The following THTPA variants were observed in gnomAD, a reference collection of about 807,000 sequenced individuals.
THTPA encodes the protein thiamine triphosphatase.
Under a neutral mutation model 16.5 loss-of-function variants are expected in THTPA, and 16 were observed. That is an observed-to-expected ratio of 0.97 (90% CI 0.66 to 1.47). THTPA has a LOEUF of 1.47. Ranked by LOEUF, THTPA falls within the 40% of genes most tolerant of loss-of-function variation. The pLI is 0.00. For synonymous variants in THTPA, 110 were observed against 115.5 expected (o/e 0.95, Z 0.30); for missense variants, 281 against 280.9 (o/e 1.00, Z 0.00).
upstream of THTPA, chr14:23,551,674 T>TCTCCTCCTC (rs905883602): frequency 6.6e-6 from 1 of 151,636 alleles, no homozygotes; most frequent in Non-Finnish European, 1.5e-5. This position sits in a 1 kb window ranked among gnomAD's most constrained non-coding sequence, Gnocchi z 5.3. Context: ...TCCTCCTCCT[T>TCTCCTCCTC]CTCCTCCTCG....
the THTPA span, chr14:23,521,832 A>G: frequency 2.1e-6 from 3 of 1,449,126 alleles, no homozygotes; most frequent in Non-Finnish European, 2.7e-6. Flanking sequence ...TGAGGGTGGG[A>G]ACTGAACAGT....
chr14:23,523,561 C>G, the THTPA span: 284 of 1,538,776 alleles, frequency 1.8e-4, 1 homozygote, highest in African/African-American at 3.5e-3. The surrounding 1 kb of genome is among the most constrained non-coding windows in gnomAD (Gnocchi z 4.1). Context: ...CAGCGGCTGT[C>G]CCCTGTAGTT....
At chr14:23,523,195 C>G in the THTPA span, 1 of 1,419,200 alleles carries the variant, frequency 7.0e-7, no homozygotes, top group Non-Finnish European at 9.2e-7. This position sits in a 1 kb window ranked among gnomAD's most constrained non-coding sequence, Gnocchi z 4.1. Flanking sequence ...CCCAGCCTCC[C>G]TACTCACCTG....
chr14:23,527,901 C>CTTTTTT, the THTPA span: 3 of 448,948 alleles, frequency 6.7e-6, no homozygotes, highest in African/African-American at 2.8e-5. Flanking sequence ...GCCCCCACTC[C>CTTTTTT]TTTTTTTTTT....
At chr14:23,548,943 CTT>C in the THTPA span, among the ~76,000 whole-genome samples, 1 of 152,204 alleles carries the variant, frequency 6.6e-6, no homozygotes, top group African/African-American at 2.4e-5. Flanking sequence ...ATCCTCTCCT[CTT>C]TTCCTCCTAC....
At chr14:23,520,092 T>C in the THTPA span, among the ~76,000 whole-genome samples, 1 of 152,318 alleles carries the variant, frequency 6.6e-6, no homozygotes, top group Non-Finnish European at 1.5e-5. This position sits in a 1 kb window ranked among gnomAD's most constrained non-coding sequence, Gnocchi z 8.7. Flanking sequence ...ACCATTTGCC[T>C]AGGGGTACAG....
rs1437635294 is a variant in THTPA at position 23,559,450 on chromosome 14, C to T, written c.*610C>T. On this transcript the variant is annotated 3_prime_UTR_variant, in exon 2 of 2. Transcript: ENST00000288014. ...AAAGAACCAACAGCTGCCCCCTCCC[C>T]GCCCCCGTGTTGAGACAGGTTCTCA... The T allele has an allele frequency of 1.6e-5, 6 of 376,860 alleles. No homozygotes were observed. The highest frequency in any genetic ancestry group is 9.9e-5 in the South Asian group (4 of 40,454). The allele number at this position is 376,860 out of a possible 1,614,324, so 23.3% of individuals were successfully genotyped here. A position where few individuals can be genotyped will look rare whatever the true frequency, so the allele number is the denominator to read the frequency against.
At chr14:23,524,401 C>T in the THTPA span, 1 of 1,536,228 alleles carries the variant, frequency 6.5e-7, no homozygotes, top group Non-Finnish European at 8.7e-7. The surrounding 1 kb of genome is among the most constrained non-coding windows in gnomAD (Gnocchi z 5.6). Flanking sequence ...CCCCTCCTCC[C>T]CCTGCTTCAC....
the THTPA span, among the ~76,000 whole-genome samples, chr14:23,517,020 G>A: frequency 6.6e-6 from 1 of 152,114 alleles, no homozygotes; most frequent in African/African-American, 2.4e-5. Context: ...TCTTGGACAG[G>A]TTCAGCTTGT....
At chr14:23,546,219 G>A in the THTPA span, among the ~76,000 whole-genome samples, 2 of 152,168 alleles carry the variant, frequency 1.3e-5, no homozygotes, top group Non-Finnish European at 2.9e-5. The surrounding 1 kb of genome is among the most constrained non-coding windows in gnomAD (Gnocchi z 4.7). Context: ...TGATTGCACA[G>A]GCCCCTGTGC....
the THTPA span, chr14:23,524,386 G>C: frequency 6.5e-7 from 1 of 1,536,158 alleles, no homozygotes; most frequent in South Asian, 1.2e-5. The surrounding 1 kb of genome is among the most constrained non-coding windows in gnomAD (Gnocchi z 5.6). Context: ...TGGGGGGCTC[G>C]CCCTCCCCTC....
At chr14:23,542,096 G>A in the THTPA span, 1 of 152,524 alleles carries the variant, frequency 6.6e-6, no homozygotes, top group Non-Finnish European at 1.5e-5. Context: ...GAGAGGGAGA[G>A]GTAAGGAAGT....
the THTPA span, chr14:23,522,971 T>C: frequency 1.0e-5 from 15 of 1,432,990 alleles, no homozygotes; most frequent in African/African-American, 1.9e-4. Flanking sequence ...GATGAAGGAT[T>C]AGCCATCTCC....
upstream of THTPA, among the ~76,000 whole-genome samples, chr14:23,555,339 A>T (rs1292605467): frequency 2.6e-5 from 4 of 152,152 alleles, no homozygotes; most frequent in Non-Finnish European, 5.9e-5. Context: ...TACACCTGAC[A>T]AAAACTGCTT....
rs1315458841 is a variant in THTPA at position 23,556,720 on chromosome 14, G to C, written c.-38G>C. 1.3e-6 allele frequency: 2 copies of C among 1,587,570 alleles called. No individual in the cohort carries two copies. Among genetic ancestry groups the C allele is most frequent in the African/African-American group, 1.3e-5 (1 of 74,516 alleles). On this transcript the variant is annotated 5_prime_UTR_variant, in exon 1 of 2. Coordinates refer to ENST00000288014, the MANE Select transcript of THTPA (RefSeq NM_024328.6). ...TGAGCACCAGGCTTTGCATCCTTGG[G>C]AACTCAGCAAACGTTTGTTCAGCCA...
the THTPA span, among the ~76,000 whole-genome samples, chr14:23,540,541 ATTGT>A: frequency 6.6e-6 from 1 of 152,152 alleles, no homozygotes; most frequent in Admixed American, 6.5e-5. Context: ...AGTATGGAGG[ATTGT>A]TTGGTATAAA....
chr14:23,534,270 G>T, the THTPA span: 3 of 1,530,762 alleles, frequency 2.0e-6, no homozygotes, highest in South Asian at 3.6e-5. This position sits in a 1 kb window ranked among gnomAD's most constrained non-coding sequence, Gnocchi z 4.5. Flanking sequence ...TGGGGTCCCA[G>T]GTGGCTGTGG....
At chr14:23,525,862 C>T in the THTPA span, 2 of 1,454,582 alleles carry the variant, frequency 1.4e-6, no homozygotes, top group Non-Finnish European at 1.8e-6. This position sits in a 1 kb window ranked among gnomAD's most constrained non-coding sequence, Gnocchi z 5.9. Context: ...GCAGCTGCTG[C>T]TGCTGGAGCT....
chr14:23,527,826 T>C, the THTPA span: 1 of 1,530,704 alleles, frequency 6.5e-7, no homozygotes. Flanking sequence ...ATATGGGCAG[T>C]GGACGAAGTG....
Sources: gnomAD v4.1 joint callset for allele counts (sites outside exome capture counted in the v4.1 genomes callset) on GRCh38, gnomAD v4.1.1 for gene constraint, Gnocchi (gnomAD v3.1) non-coding constraint, MANE v1.5 for transcripts, NCBI Gene and HGNC (gene_info 2026-07-23, HGNC 2026-07-21) for gene names.